The following USP10 variants were observed in gnomAD, a reference collection of about 807,000 sequenced individuals.
USP10 encodes the protein ubiquitin carboxyl-terminal hydrolase 10.
In USP10, 22 loss-of-function variants were observed where a neutral mutation model predicts 84.5. That is an observed-to-expected ratio of 0.26 (90% CI 0.19 to 0.37). USP10 has a LOEUF of 0.37. Ranked by LOEUF, USP10 falls within the 10% of genes least tolerant of loss-of-function variation. USP10 has a pLI of 1.00. For synonymous variants in USP10, 454 were observed against 387.6 expected (o/e 1.17, Z -2.01); for missense variants, 1,019 against 998.9 (o/e 1.02, Z -0.27).
chr16:84,767,712 T>G (rs1430354820), intron 10 of USP10, among the ~76,000 whole-genome samples: 1 of 152,236 alleles, frequency 6.6e-6, no homozygotes, highest in African/African-American at 2.4e-5. Context: ...TTGGGAACAT[T>G]TATCAACTGG....
chr16:84,733,155 A>G (rs1233423957), intron 1 of USP10: 5 of 515,512 alleles, frequency 9.7e-6, no homozygotes, highest in Non-Finnish European at 1.9e-5. Flanking sequence ...ATCTCCTGCA[A>G]GCAGGACTCG....
At chr16:84,770,842 C>T (rs992336996) in intron 11 of USP10, among the ~76,000 whole-genome samples, 11 of 148,784 alleles carry the variant, frequency 7.4e-5, no homozygotes, top group Admixed American at 6.0e-4. Flanking sequence ...CTGAGGCAGG[C>T]GGATCACAAA....
rs754656504 is a variant in USP10, at chr16:84,714,913, G to GATT, written c.21+14824_21+14826dup. ...GTTTGAAAAATATTTAAAAAGTTCTGATTATTATTATTATTATTATTATTT... is the reference window on the plus strand; with the variant it reads ...GTTTGAAAAATATTTAAAAAGTTCTGATTATTATTATTATTATTATTATTATTT... On this transcript the variant is annotated intron_variant, in intron 1 of 13. Coordinates refer to ENST00000219473, the MANE Select transcript of USP10 (RefSeq NM_005153.3). Among the ~76,000 whole-genome samples the GATT allele has an allele frequency of 2.0e-3, 296 of 147,956 alleles. 1 individual carries two copies. The highest frequency in any genetic ancestry group is 3.3e-3 in the East Asian group (17 of 5,112).
At chr16:84,714,758 G>C (rs1309113029) in intron 1 of USP10, among the ~76,000 whole-genome samples, 1 of 151,748 alleles carries the variant, frequency 6.6e-6, no homozygotes, top group East Asian at 1.9e-4. Context: ...TTAATTCATT[G>C]ATTATTTTTG....
chr16:84,778,158 T>A (rs1915214380), intron 13 of USP10, among the ~76,000 whole-genome samples: 1 of 149,348 alleles, frequency 6.7e-6, no homozygotes, highest in African/African-American at 2.5e-5. Flanking sequence ...TAATTTTTTT[T>A]AAAGGCAAAT....
intron 3 of USP10, among the ~76,000 whole-genome samples, chr16:84,742,463 C>G (rs1185839845): frequency 6.6e-6 from 1 of 152,206 alleles, no homozygotes; most frequent in African/African-American, 2.4e-5. Flanking sequence ...TGTCACTAAT[C>G]TCTGTATATT....
chr16:84,718,834 C>T (rs968056501), intron 1 of USP10, among the ~76,000 whole-genome samples: 1 of 151,636 alleles, frequency 6.6e-6, no homozygotes, highest in South Asian at 2.1e-4. Context: ...TCTCTGTCAC[C>T]CAGGCTGGAG....
At chr16:84,700,552 AT>A (rs1270968336) in intron 1 of USP10, among the ~76,000 whole-genome samples, 1 of 152,036 alleles carries the variant, frequency 6.6e-6, no homozygotes, top group East Asian at 1.9e-4. Context: ...AGCCTCAGAG[AT>A]TTGGGGGTGC....
At chr16:84,765,813 T>C (rs901177114) in intron 10 of USP10, among the ~76,000 whole-genome samples, 3 of 152,222 alleles carry the variant, frequency 2.0e-5, no homozygotes, top group Non-Finnish European at 4.4e-5. Context: ...GGCACCTGGC[T>C]GTGTGCCAGT....
chr16:84,744,738 A>G lies in USP10; in HGVS notation c.257A>G (p.Gln86Arg). 2.5e-6 allele frequency: 4 copies of G among 1,613,674 alleles called. No individual in the cohort carries two copies. Among genetic ancestry groups the G allele is most frequent in the Non-Finnish European group, 3.4e-6 (4 of 1,179,706 alleles). ...SYSISSTLNP[Q>R]APEFILGCTA... Reference sequence around the variant, plus strand: ...AGTATTTCAAGCACACTGAACCCTCAGGCCCCTGAATTTATTCTCGGTTGT... The same window carrying G: ...AGTATTTCAAGCACACTGAACCCTCGGGCCCCTGAATTTATTCTCGGTTGT... The change falls in exon 4 of 14, where the codon CAG becomes CGG. Residue 86 changes from glutamine to arginine, a missense_variant. Gln to Arg is a conservative substitution (Grantham distance 43). Transcript: ENST00000219473.
intron 1 of USP10, among the ~76,000 whole-genome samples, chr16:84,707,388 G>A (rs1177226889): frequency 2.0e-5 from 3 of 151,804 alleles, no homozygotes; most frequent in African/African-American, 7.3e-5. Flanking sequence ...TTATTTTCTA[G>A]TATAAAGACA....
At chr16:84,707,046 C>A (rs889358363) in intron 1 of USP10, among the ~76,000 whole-genome samples, 11 of 152,152 alleles carry the variant, frequency 7.2e-5, no homozygotes, top group African/African-American at 2.4e-4. Context: ...TTATTATAAC[C>A]ATTTTACAGA....
chr16:84,763,381 C>G (rs1913434960), intron 9 of USP10, among the ~76,000 whole-genome samples: 1 of 152,142 alleles, frequency 6.6e-6, no homozygotes, highest in African/African-American at 2.4e-5. Flanking sequence ...CAGTTTTAAA[C>G]ATATTTTCTG....
At chr16:84,764,931 G>GAGAGAA (rs11373757) in intron 10 of USP10, among the ~76,000 whole-genome samples, 3 of 39,264 alleles carry the variant, frequency 7.6e-5, no homozygotes, top group South Asian at 1.4e-3. Context: ...GAGAGAGAGA[G>GAGAGAA]AAAAAAAAAT....
intron 4 of USP10, among the ~76,000 whole-genome samples, chr16:84,748,715 G>C (rs1305029865): frequency 6.6e-6 from 1 of 152,138 alleles, no homozygotes; most frequent in Non-Finnish European, 1.5e-5. Context: ...CATTTAAAAT[G>C]TTTTAGAACA....
At chr16:84,728,342 T>C (rs1389605738) in intron 1 of USP10, among the ~76,000 whole-genome samples, 1 of 141,286 alleles carries the variant, frequency 7.1e-6, no homozygotes, top group Non-Finnish European at 1.5e-5. Flanking sequence ...ATTGAATAAA[T>C]ATTTGGCCTT....
intron 3 of USP10, among the ~76,000 whole-genome samples, chr16:84,740,828 C>T (rs553831875): frequency 6.6e-6 from 1 of 152,252 alleles, no homozygotes; most frequent in African/African-American, 2.4e-5. Context: ...CTCTTGGGAA[C>T]TCAGGTCAAC....
rs144776702 is a variant in USP10 at position 84,774,715 on chromosome 16, C to T, written c.2144-445C>T. ...TCGATCTCCTGACCTCGTGATCGCC[C>T]GTCTCAGCCTCCCAAAGTGCTGGGA... On this transcript the variant is annotated intron_variant, in intron 12 of 13. Transcript: ENST00000219473. 4.0e-4 allele frequency among the ~76,000 whole-genome samples: 61 copies of T among 152,244 alleles called. 1 individual carries two copies. Among genetic ancestry groups the T allele is most frequent in the African/African-American group, 1.2e-3 (50 of 41,550 alleles).
intron 11 of USP10, among the ~76,000 whole-genome samples, chr16:84,772,206 C>T (rs528484554): frequency 2.1e-3 from 313 of 152,244 alleles, no homozygotes; most frequent in Admixed American, 3.5e-3. Context: ...CGCCCACCAC[C>T]ACGCCTGGCT....
Sources: allele counts gnomAD v4.1 joint callset (sites outside exome capture counted in the v4.1 genomes callset), GRCh38; gene constraint gnomAD v4.1.1; transcripts MANE v1.5; gene names NCBI Gene and HGNC (gene_info 2026-07-23, HGNC 2026-07-21).